KCNB2: variants seen among roughly 807,000 people sequenced by gnomAD.
KCNB2 encodes the protein potassium voltage-gated channel subfamily B member 2, also known as delayed rectifier potassium channel protein.
In KCNB2, 15 loss-of-function variants were observed where a neutral mutation model predicts 61.5. The ratio of observed to expected loss-of-function variants is 0.24; its 90% CI spans 0.16 to 0.38. KCNB2 has a LOEUF of 0.38. KCNB2 is among the 10% of genes least tolerant of loss of function. KCNB2 has a pLI of 1.00. For synonymous variants in KCNB2, 457 were observed against 446.0 expected (o/e 1.02, Z -0.31); for missense variants, 828 against 1,125.2 (o/e 0.74, Z 3.78).
At chr8:72,549,622 A>G (rs1199826433) in intron 1 of KCNB2, among the ~76,000 whole-genome samples, 1 of 152,180 alleles carries the variant, frequency 6.6e-6, no homozygotes, top group Non-Finnish European at 1.5e-5. Flanking sequence ...TAAATAAACA[A>G]CTAGCCATCC....
chr8:72,844,250 A>T (rs12546916), intron 2 of KCNB2, among the ~76,000 whole-genome samples: 129,707 of 152,084 alleles, frequency 0.85, 56,277 homozygotes, highest in Middle Eastern at 0.97. Context: ...TTCTTTAAGG[A>T]TGTTGAATAT....
intron 2 of KCNB2, among the ~76,000 whole-genome samples, chr8:72,625,116 C>T (rs1218739574): frequency 6.6e-6 from 1 of 152,158 alleles, no homozygotes; most frequent in Non-Finnish European, 1.5e-5. Flanking sequence ...CCAGTGAAGC[C>T]GTGTCCAGAC....
At chr8:72,929,567 A>G (rs1306083532) in intron 2 of KCNB2, among the ~76,000 whole-genome samples, 1 of 152,212 alleles carries the variant, frequency 6.6e-6, no homozygotes, top group Non-Finnish European at 1.5e-5. Context: ...TTTACTTTGG[A>G]CGTTCAACTA....
chr8:72,765,980 T>A (rs2128996803), intron 2 of KCNB2, among the ~76,000 whole-genome samples: 1 of 152,324 alleles, frequency 6.6e-6, no homozygotes, highest in South Asian at 2.1e-4. Context: ...AGACAGATAT[T>A]TTTCTCTTTC....
At chr8:72,539,040 AGTTTT>A (rs147742335) in intron 1 of KCNB2, among the ~76,000 whole-genome samples, 1,671 of 151,514 alleles carry the variant, frequency 0.011, 14 homozygotes, top group Middle Eastern at 0.027. Flanking sequence ...AAGAAAATAA[AGTTTT>A]GTTTTATCTA....
At chr8:72,805,023 G>C (rs1809195290) in intron 2 of KCNB2, among the ~76,000 whole-genome samples, 1 of 152,096 alleles carries the variant, frequency 6.6e-6, no homozygotes, top group African/African-American at 2.4e-5. Flanking sequence ...CTGGGCACTG[G>C]GGTCAGATTG....
At chr8:72,862,134 A>C (rs1013840397) in intron 2 of KCNB2, among the ~76,000 whole-genome samples, 1 of 152,184 alleles carries the variant, frequency 6.6e-6, no homozygotes, top group Non-Finnish European at 1.5e-5. Flanking sequence ...TGTCTCAAAA[A>C]ATCAAACAAA....
intron 2 of KCNB2, among the ~76,000 whole-genome samples, chr8:72,884,355 A>G (rs1236325671): frequency 6.6e-6 from 1 of 151,558 alleles, no homozygotes; most frequent in Admixed American, 6.6e-5. Context: ...AACTTCTCCC[A>G]GTGTGTGTGT....
intron 2 of KCNB2, among the ~76,000 whole-genome samples, chr8:72,688,086 G>A (rs1019445325): frequency 5.3e-5 from 8 of 152,116 alleles, no homozygotes; most frequent in East Asian, 1.9e-4. Context: ...GGCCCTGAGC[G>A]TTCACTGAGA....
At chr8:72,624,044 G>A (rs1160192535) in intron 2 of KCNB2, among the ~76,000 whole-genome samples, 3 of 152,116 alleles carry the variant, frequency 2.0e-5, no homozygotes, top group Non-Finnish European at 2.9e-5. Context: ...TCTACAAATC[G>A]TTACTAGAGA....
intron 2 of KCNB2, among the ~76,000 whole-genome samples, chr8:72,831,892 G>A (rs570303941): frequency 1.6e-4 from 25 of 152,302 alleles, no homozygotes; most frequent in African/African-American, 5.5e-4. Flanking sequence ...TAGCCAAAAG[G>A]CTAAGAAGCA....
intron 1 of KCNB2, among the ~76,000 whole-genome samples, chr8:72,561,767 ATATATATAT>A (rs1806533834): frequency 3.6e-5 from 1 of 27,450 alleles, no homozygotes. Flanking sequence ...ATATGGATAT[ATATATATAT>A]GGATATATAT....
intron 2 of KCNB2, among the ~76,000 whole-genome samples, chr8:72,742,834 G>A (rs1315125651): frequency 2.6e-5 from 4 of 152,134 alleles, no homozygotes; most frequent in South Asian, 2.1e-4. Flanking sequence ...TACCCATGAC[G>A]TCTGACGATA....
At chr8:72,572,322 G>A (rs1254687465) in intron 2 of KCNB2, among the ~76,000 whole-genome samples, 1 of 152,138 alleles carries the variant, frequency 6.6e-6, no homozygotes, top group African/African-American at 2.4e-5. Context: ...CAGGAAGCTA[G>A]AACATAAGCA....
intron 2 of KCNB2, among the ~76,000 whole-genome samples, chr8:72,780,405 A>G (rs1455396021): frequency 2.0e-5 from 3 of 152,206 alleles, no homozygotes; most frequent in African/African-American, 7.2e-5. Context: ...TAATATTGTC[A>G]TGTAGAAAGA....
chr8:72,845,880 T>TG (rs1030539967), intron 2 of KCNB2, among the ~76,000 whole-genome samples: 3 of 151,494 alleles, frequency 2.0e-5, no homozygotes, highest in Non-Finnish European at 2.9e-5. Context: ...CTGGGCTCTG[T>TG]GGGGGTAGGA....
chr8:72,857,362 T>G (rs1214550924), intron 2 of KCNB2, among the ~76,000 whole-genome samples: 2 of 152,190 alleles, frequency 1.3e-5, no homozygotes, highest in Non-Finnish European at 2.9e-5. Flanking sequence ...AATGAGCATA[T>G]GGAAGACACA....
intron 2 of KCNB2, among the ~76,000 whole-genome samples, chr8:72,843,892 T>C (rs1809939819): frequency 6.6e-6 from 1 of 152,216 alleles, no homozygotes; most frequent in East Asian, 1.9e-4. Flanking sequence ...CTTTATCCAA[T>C]TTGCCAGTCT....
chr8:72,778,465 C>T lies in KCNB2; in HGVS notation c.580-157470C>T, dbSNP rs368039443. On this transcript the variant is annotated intron_variant, in intron 2 of 2. Coordinates refer to ENST00000523207, the MANE Select transcript of KCNB2 (RefSeq NM_004770.3). ...TCTAGAAATTTTTCTGGGCCAGGCA[C>T]GGTGGCTCACATCTGTAATCCCAGC... 4.6e-5 allele frequency among the ~76,000 whole-genome samples: 7 copies of T among 151,818 alleles called. No individual in the cohort carries two copies. The South Asian group carries it at 6.3e-4, about 14-fold the overall frequency.
Sources: gnomAD v4.1 joint callset for allele counts (sites outside exome capture counted in the v4.1 genomes callset) on GRCh38, gnomAD v4.1.1 for gene constraint, MANE v1.5 for transcripts, NCBI Gene and HGNC (gene_info 2026-07-23, HGNC 2026-07-21) for gene names.